The following ARFGEF2 variants were observed in gnomAD, a reference collection of about 807,000 sequenced individuals.
ARFGEF2 encodes the protein brefeldin A-inhibited guanine nucleotide-exchange protein 2.
A neutral mutation model predicts 219.9 loss-of-function variants in ARFGEF2; 74 were observed. The ratio of observed to expected loss-of-function variants is 0.34; its 90% CI spans 0.28 to 0.41. The LOEUF is 0.41. Ranked by LOEUF, ARFGEF2 falls within the 10% of genes least tolerant of loss-of-function variation. The probability of loss-of-function intolerance (pLI) is 1.00; values close to 1 mark genes in which losing one functional copy is unlikely to be tolerated. For missense variants in ARFGEF2, 1,743 were observed against 2,218.3 expected, an observed-to-expected ratio of 0.79 and a Z score of 4.30; for synonymous variants, 733 against 799.2, an observed-to-expected ratio of 0.92 and a Z score of 1.40.
Position 48,971,242 on chromosome 20 carries a change from T to A in ARFGEF2, c.1313T>A (p.Val438Glu). ...AATGCAATCAAGCAATATCTCTGTG[T>A]GGCCTTGTCCAAAAACGGCGTCTCT... The part of the protein sequence containing the change: ...FINAIKQYLC[V>E]ALSKNGVSSV... Residue 438 changes from valine to glutamate, a missense_variant, in exon 10 of 39, where the codon GTG becomes GAG. By Grantham distance (121) the Val-to-Glu change is moderately radical. Coordinates refer to ENST00000371917, the MANE Select transcript of ARFGEF2 (RefSeq NM_006420.3). 6.2e-7 allele frequency: 1 copy of A among 1,614,198 alleles called. No individual in the cohort carries two copies. The highest frequency in any genetic ancestry group is 8.5e-7 in the Non-Finnish European group (1 of 1,180,030).
intron 26 of ARFGEF2, among the ~76,000 whole-genome samples, chr20:49,006,859 A>G (rs1157645544): frequency 6.6e-6 from 1 of 151,202 alleles, no homozygotes; most frequent in Non-Finnish European, 1.5e-5. Context: ...TCTCTGTGAA[A>G]GATGGAAGCC....
At chr20:48,996,962 C>T (rs1488088923) in intron 23 of ARFGEF2, among the ~76,000 whole-genome samples, 1 of 151,986 alleles carries the variant, frequency 6.6e-6, no homozygotes, top group African/African-American at 2.4e-5. Context: ...TCACTGTAAC[C>T]ACTGATCTAC....
intron 14 of ARFGEF2, among the ~76,000 whole-genome samples, chr20:48,976,750 G>A (rs1331322701): frequency 2.0e-5 from 3 of 152,130 alleles, no homozygotes; most frequent in Non-Finnish European, 4.4e-5. Flanking sequence ...GGAGCTTGCA[G>A]TGAGCAGAGA....
At chr20:49,001,655 C>T (rs763501575) in intron 25 of ARFGEF2, among the ~76,000 whole-genome samples, 1 of 152,144 alleles carries the variant, frequency 6.6e-6, no homozygotes, top group Non-Finnish European at 1.5e-5. Context: ...ACATACTCCC[C>T]TTTACACAAA....
At chr20:48,946,477 TTATATA>T (rs35152962) in intron 3 of ARFGEF2, among the ~76,000 whole-genome samples, 1 of 145,180 alleles carries the variant, frequency 6.9e-6, no homozygotes, top group South Asian at 2.1e-4. Flanking sequence ...CATATCAATT[TTATATA>T]TATATATATA....
intron 35 of ARFGEF2, among the ~76,000 whole-genome samples, chr20:49,023,699 C>T (rs966004220): frequency 1.3e-5 from 2 of 151,400 alleles, no homozygotes; most frequent in African/African-American, 4.9e-5. Flanking sequence ...CTACCACGCC[C>T]GGCTAATTTT....
At chr20:48,942,545 C>T (rs371694315) in intron 3 of ARFGEF2, among the ~76,000 whole-genome samples, 10 of 131,412 alleles carry the variant, frequency 7.6e-5, no homozygotes, top group Non-Finnish European at 4.6e-5. Flanking sequence ...AGTGCAATGG[C>T]GCGACCTCAG....
chr20:49,010,114 G>A, intron 26 of ARFGEF2, 118 bp from the exon 27 acceptor site: 1 of 1,283,632 alleles, frequency 7.8e-7, no homozygotes, highest in South Asian at 1.4e-5. Context: ...GAGCCCAAAT[G>A]TGGATTGCTG....
chr20:49,020,241 G>A (rs964523558), intron 34 of ARFGEF2, among the ~76,000 whole-genome samples: 1 of 152,162 alleles, frequency 6.6e-6, no homozygotes, highest in African/African-American at 2.4e-5. Flanking sequence ...CAACATGCTA[G>A]GCCATAGCTG....
chr20:48,981,637 T>C (rs1360897930), intron 14 of ARFGEF2, among the ~76,000 whole-genome samples: 1 of 152,236 alleles, frequency 6.6e-6, no homozygotes, highest in Non-Finnish European at 1.5e-5. Flanking sequence ...GTAGATTTGG[T>C]CTTTTCACAT....
intron 3 of ARFGEF2, among the ~76,000 whole-genome samples, chr20:48,943,282 C>T (rs896476508): frequency 3.3e-5 from 5 of 152,204 alleles, no homozygotes; most frequent in East Asian, 3.9e-4. Flanking sequence ...AAGCCCCAGA[C>T]GTATTGATTT....
chr20:49,021,433 T>C (rs1024805021), intron 34 of ARFGEF2, among the ~76,000 whole-genome samples: 4 of 152,194 alleles, frequency 2.6e-5, no homozygotes, highest in Non-Finnish European at 4.4e-5. Flanking sequence ...TGAACACTTA[T>C]GATGTATTTG....
chr20:48,962,483 A>T (rs2091159702), intron 6 of ARFGEF2, among the ~76,000 whole-genome samples: 1 of 152,322 alleles, frequency 6.6e-6, no homozygotes, highest in Non-Finnish European at 1.5e-5. Flanking sequence ...TATATTTAAA[A>T]TACATAATAA....
In ARFGEF2 at chr20:48,928,047, G is replaced by A. The variant is rs536065078; in HGVS notation, c.121+6037G>A. Among the ~76,000 whole-genome samples the A allele has an allele frequency of 7.2e-5, 11 of 152,304 alleles. No individual in the cohort carries two copies. The East Asian group carries it at 1.9e-3, about 27-fold the overall frequency. On this transcript the variant is annotated intron_variant, in intron 1 of 38. Coordinates refer to ENST00000371917, the MANE Select transcript of ARFGEF2 (RefSeq NM_006420.3). ...TAGTCCAGTGATCCCTCTTTGGGCCGCAGTTTCCCAAGGTGATAAAGATAG... is the reference window on the plus strand; with the variant it reads ...TAGTCCAGTGATCCCTCTTTGGGCCACAGTTTCCCAAGGTGATAAAGATAG...
At chr20:48,922,050 G>C (rs2090844526) in intron 1 of ARFGEF2, 40 bp downstream of exon 1, 2 of 1,558,062 alleles carry the variant, frequency 1.3e-6, no homozygotes, top group African/African-American at 1.4e-5. Flanking sequence ...GCTGGCCTCA[G>C]CACGTCGGCC....
chr20:49,030,559 A>AT (rs1368336240), intron 37 of ARFGEF2, among the ~76,000 whole-genome samples: 3 of 152,040 alleles, frequency 2.0e-5, no homozygotes, highest in Non-Finnish European at 4.4e-5. Context: ...TTTTTTCATA[A>AT]TTTTTTACAT....
intron 35 of ARFGEF2, among the ~76,000 whole-genome samples, chr20:49,025,078 T>C (rs1006581777): frequency 1.3e-5 from 2 of 152,194 alleles, no homozygotes; most frequent in African/African-American, 4.8e-5. Flanking sequence ...GAGGCAGCAC[T>C]GATGAAACTG....
At chr20:48,973,035 A>G in intron 11 of ARFGEF2, 110 bp from the exon 12 acceptor site, 3 of 1,236,346 alleles carry the variant, frequency 2.4e-6, no homozygotes, top group Non-Finnish European at 2.4e-6. Flanking sequence ...AGATGTGGCC[A>G]CCGGAGTCTG....
chr20:48,998,537 T>TAAAA, intron 25 of ARFGEF2, 32 bp downstream of exon 25: 1 of 1,433,400 alleles, frequency 7.0e-7, no homozygotes, highest in Non-Finnish European at 9.5e-7. Flanking sequence ...CCATTCCTGT[T>TAAAA]AAAAAAAAAA....
Sources: gnomAD v4.1 joint callset for allele counts (sites outside exome capture counted in the v4.1 genomes callset) on GRCh38, gnomAD v4.1.1 for gene constraint, MANE v1.5 for transcripts, NCBI Gene and HGNC (gene_info 2026-07-23, HGNC 2026-07-21) for gene names.